Variants in AFF1 observed in about 807,000 individuals in gnomAD.
The protein encoded by AFF1 is AF4/FMR2 family member 1.
In AFF1, 48 loss-of-function variants were observed where a neutral mutation model predicts 121.7. The observed-to-expected ratio is 0.39, with a 90% CI of 0.31 to 0.50. The LOEUF (loss-of-function observed/expected upper bound fraction) is 0.50, where lower values mean the gene tolerates loss of function less well. Ranked by LOEUF, AFF1 falls within the 20% of genes least tolerant of loss-of-function variation. The pLI is 0.76. For missense variants in AFF1, 1,523 were observed against 1,511.7 expected (o/e 1.01, Z -0.12); for synonymous variants, 613 against 563.0 (o/e 1.09, Z -1.26).
At chr4:87,008,363 A>G (rs1222823869) in intron 2 of AFF1, among the ~76,000 whole-genome samples, 39 of 152,194 alleles carry the variant, frequency 2.6e-4, no homozygotes, top group Admixed American at 2.4e-3. Context: ...TTAAATGTTC[A>G]TGTTTGGGCT....
At chr4:86,940,214 C>G (rs528622012) in intron 1 of AFF1, among the ~76,000 whole-genome samples, 1 of 152,288 alleles carries the variant, frequency 6.6e-6, no homozygotes, top group South Asian at 2.1e-4. Flanking sequence ...AGCTAACTAA[C>G]CTGCCACAGT....
intron 17 of AFF1, 23 bp downstream of exon 17, chr4:87,131,242 T>C (rs1328948896): frequency 6.2e-7 from 1 of 1,613,138 alleles, no homozygotes; most frequent in Non-Finnish European, 8.5e-7. Flanking sequence ...TCATTGTGCT[T>C]TCCTCTTAAG....
At chr4:87,019,509 C>T (rs1243122714) in intron 2 of AFF1, among the ~76,000 whole-genome samples, 4 of 152,190 alleles carry the variant, frequency 2.6e-5, no homozygotes, top group African/African-American at 4.8e-5. Flanking sequence ...TGATTTAGAT[C>T]ATACCCTTTT....
Position 87,115,625 on chromosome 4 carries a change from T to TTTTTTTTTTC in AFF1, c.2466+326_2466+327insTTTTTTTTTC, listed in dbSNP as rs397994396. Among the ~76,000 whole-genome samples the TTTTTTTTTTC allele has an allele frequency of 1.8e-3, 183 of 102,936 alleles. 11 individuals carry two copies. Among genetic ancestry groups the TTTTTTTTTTC allele is most frequent in the African/African-American group, 3.4e-3 (103 of 30,314 alleles). 67.5% of individuals were successfully genotyped at this position (102,936 alleles called of 152,430 possible). On this transcript the variant is annotated intron_variant, in intron 12 of 20. Transcript: ENST00000395146. ...AACCCACCTCTTTTTTTTTTTTTTT[T>TTTTTTTTTTC]CCAAAGACAGGCCCTTGCTCTGTTG...
intron 2 of AFF1, among the ~76,000 whole-genome samples, chr4:87,042,128 G>A (rs1039022411): frequency 6.6e-6 from 1 of 151,932 alleles, no homozygotes; most frequent in Non-Finnish European, 1.5e-5. Flanking sequence ...TTACACCTTG[G>A]TTTAAACAGT....
intron 2 of AFF1, among the ~76,000 whole-genome samples, chr4:86,995,561 G>A (rs377099831): frequency 7.2e-5 from 11 of 152,156 alleles, no homozygotes; most frequent in Admixed American, 4.6e-4. Context: ...TGATCCGCCA[G>A]CCTCGGCCTC....
intron 7 of AFF1, among the ~76,000 whole-genome samples, chr4:87,092,110 C>T (rs1205220699): frequency 2.6e-5 from 4 of 152,108 alleles, no homozygotes; most frequent in African/African-American, 9.7e-5. Context: ...ATGGTGAAAC[C>T]CTGTCTCTAC....
At chr4:87,129,290 A>G (rs17702997) in intron 16 of AFF1, among the ~76,000 whole-genome samples, 6,584 of 152,292 alleles carry the variant, frequency 0.043, 198 homozygotes, top group Non-Finnish European at 0.058. Flanking sequence ...TACCTATCCA[A>G]CTGAGTAGAA....
intron 12 of AFF1, among the ~76,000 whole-genome samples, chr4:87,120,778 A>G (rs143907444): frequency 1.3e-5 from 2 of 152,162 alleles, no homozygotes; most frequent in Admixed American, 1.3e-4. Context: ...TTCACAGCCA[A>G]ACTCCTGGTT....
At chr4:87,105,785 T>A in intron 9 of AFF1, 23 bp from the exon 10 acceptor site, 1 of 1,614,156 alleles carries the variant, frequency 6.2e-7, no homozygotes, top group South Asian at 1.1e-5. Flanking sequence ...CTGGTCTTTC[T>A]TCCCCTTATT....
chr4:87,127,258 T>C (rs1190503755), intron 15 of AFF1, 141 bp downstream of exon 15: 1 of 709,030 alleles, frequency 1.4e-6, no homozygotes, highest in Admixed American at 2.5e-5. Context: ...CCTCCCGGGT[T>C]CAAGTGATTC....
rs1560657576 is a variant in AFF1, at chr4:87,127,172, C to CG, written c.2903+55_2903+56insG. 40 of 1,296,966 alleles carry CG rather than the reference C, an allele frequency of 3.1e-5. 3 individuals carry two copies. The East Asian group carries it at 4.7e-4, about 15-fold the overall frequency. 80.3% of individuals were successfully genotyped at this position (1,296,966 alleles called of 1,614,324 possible). A position where few individuals can be genotyped will look rare whatever the true frequency, so the allele number is the denominator to read the frequency against. On this transcript the variant is annotated intron_variant, in intron 15 of 20. Transcript: ENST00000395146. ...TGTTTTGTTTTGTTTTGCTTCCCCC[C>CG]CCCACCAAGATAGAGTCTCACTCTG...
Position 87,062,850 on chromosome 4 carries a change from TGGAA to T in AFF1, c.1059+15266_1059+15269del, listed in dbSNP as rs538393229. Among the ~76,000 whole-genome samples, 469 of 152,300 alleles carry T rather than the reference TGGAA, an allele frequency of 3.1e-3. 2 individuals are homozygous for T. The highest frequency in any genetic ancestry group is 4.9e-3 in the Non-Finnish European group (333 of 68,016). ...TTGGATGGTAAAGACTGGATGTTGT[TGGAA>T]GGAAGGAAGATATATTTTAAGGTTT... On this transcript the variant is annotated intron_variant, in intron 4 of 20. Coordinates refer to ENST00000395146, the MANE Select transcript of AFF1 (RefSeq NM_001166693.3).
chr4:87,106,228 C>G (rs1173774757), intron 10 of AFF1, among the ~76,000 whole-genome samples: 1 of 152,058 alleles, frequency 6.6e-6, no homozygotes, highest in Non-Finnish European at 1.5e-5. Context: ...ACTAAAAATA[C>G]AAAAATTAGC....
chr4:87,039,837 C>T (rs1042431747), intron 2 of AFF1, among the ~76,000 whole-genome samples: 1 of 152,156 alleles, frequency 6.6e-6, no homozygotes, highest in Non-Finnish European at 1.5e-5. Flanking sequence ...TCAGACTTTG[C>T]ATCCTCCTTC....
chr4:87,122,929 C>T (rs926994176), intron 12 of AFF1, among the ~76,000 whole-genome samples: 18 of 141,278 alleles, frequency 1.3e-4, no homozygotes, highest in Non-Finnish European at 2.1e-4. Flanking sequence ...CAGTCTCATT[C>T]TGATGCCCAG....
At chr4:86,991,445 CA>C (rs57207984) in intron 2 of AFF1, among the ~76,000 whole-genome samples, 61 of 141,364 alleles carry the variant, frequency 4.3e-4, no homozygotes, top group African/African-American at 6.7e-4. Flanking sequence ...ACTCCATCTC[CA>C]AAAAAAAAAA....
In AFF1 at chr4:87,046,767, C is replaced by T; in HGVS notation, c.232C>T (p.Leu78Phe). ...LGNYEEVKEF[L>F]STKSHTHRLD... ...AAACTACGAAGAAGTGAAGGAGTTC[C>T]TTAGTACTAAGTCTCACACTCATCG... Residue 78 changes from leucine (L) to phenylalanine (F), a missense_variant, in exon 4 of 21, where the codon CTT becomes TTT. Around this residue, in one of 5 missense-constraint regions of AFF1, gnomAD observed 369 missense variants for 367.2 expected, o/e 1.00. Transcript: ENST00000395146. 6.2e-7 allele frequency: 1 copy of T among 1,614,060 alleles called. No individual in the cohort carries two copies. Among genetic ancestry groups the T allele is most frequent in the Non-Finnish European group, 8.5e-7 (1 of 1,180,014 alleles).
At position 87,061,505 on chromosome 4, in the gene AFF1, G is replaced by A. The variant is rs572045850; in HGVS notation, c.1059+13911G>A. 1.2e-4 allele frequency among the ~76,000 whole-genome samples: 19 copies of A among 152,316 alleles called. 1 individual carries two copies. Among genetic ancestry groups the A allele is most frequent in the Middle Eastern group, 6.8e-3 (2 of 294 alleles). ...ACTGGGGCGTGGCTGCCCACAGAGC[G>A]TCAGAGACTGTTATATTAATTTAGT... On this transcript the variant is annotated intron_variant, in intron 4 of 20. Coordinates refer to ENST00000395146, the MANE Select transcript of AFF1 (RefSeq NM_001166693.3).
Sources: allele counts gnomAD v4.1 joint callset (sites outside exome capture counted in the v4.1 genomes callset), GRCh38; gene constraint gnomAD v4.1.1; regional missense constraint gnomAD v4.1.1; transcripts MANE v1.5; gene names NCBI Gene and HGNC (gene_info 2026-07-23, HGNC 2026-07-21).